Variants in MRTFB observed in about 807,000 individuals in gnomAD.
The protein encoded by MRTFB is myocardin related transcription factor B, also known as myocardin-related transcription factor B.
MRTFB carries 29 observed loss-of-function variants against 104.2 expected under a neutral mutation model. That is an observed-to-expected ratio of 0.28 (90% CI 0.21 to 0.38). The LOEUF (loss-of-function observed/expected upper bound fraction) is 0.38. Ranked by LOEUF, MRTFB falls within the 10% of genes least tolerant of loss-of-function variation. MRTFB has a pLI of 1.00. For missense variants in MRTFB, 1,270 were observed against 1,341.6 expected (o/e 0.95, Z 0.83); for synonymous variants, 535 against 519.5 (o/e 1.03, Z -0.41).
chr16:14,254,530 G>C (rs1477123820), intron 15 of MRTFB, among the ~76,000 whole-genome samples: 1 of 152,230 alleles, frequency 6.6e-6, no homozygotes, highest in Admixed American at 6.5e-5. Context: ...AAGCCAGAGA[G>C]GAGATCCCCA....
At chr16:14,154,237 A>T (rs1335361837) in intron 3 of MRTFB, among the ~76,000 whole-genome samples, 1 of 152,144 alleles carries the variant, frequency 6.6e-6, no homozygotes, top group Non-Finnish European at 1.5e-5. Flanking sequence ...TGCGGGGCTG[A>T]GGTGGGAGGA....
At chr16:14,233,827 C>CATAT (rs1567197941) in intron 8 of MRTFB, among the ~76,000 whole-genome samples, 2 of 146,330 alleles carry the variant, frequency 1.4e-5, no homozygotes. Flanking sequence ...TTGTTTTGAT[C>CATAT]ATATATACAA....
chr16:14,074,317 A>C (rs2033908329), intron 1 of MRTFB, among the ~76,000 whole-genome samples: 1 of 152,186 alleles, frequency 6.6e-6, no homozygotes, highest in African/African-American at 2.4e-5. Context: ...AGAGGTCATT[A>C]CTGGTTTTTA....
chr16:14,144,980 AC>A (rs2038227212), intron 3 of MRTFB, among the ~76,000 whole-genome samples: 1 of 102,994 alleles, frequency 9.7e-6, no homozygotes, highest in African/African-American at 8.5e-5. Context: ...ATATATACAT[AC>A]ATATATATAT....
At chr16:14,223,390 C>G (rs1185186317) in intron 8 of MRTFB, among the ~76,000 whole-genome samples, 1 of 152,060 alleles carries the variant, frequency 6.6e-6, no homozygotes, top group African/African-American at 2.4e-5. Context: ...AGAAGAAACA[C>G]ACATATCTGC....
the MRTFB span, among the ~76,000 whole-genome samples, chr16:14,008,609 C>T: frequency 1.3e-5 from 2 of 152,178 alleles, no homozygotes; most frequent in African/African-American, 4.8e-5. Context: ...AGTTTTAGTA[C>T]TCAGGAAGTA....
chr16:14,118,058 T>C (rs1030013522), intron 2 of MRTFB, among the ~76,000 whole-genome samples: 3 of 151,326 alleles, frequency 2.0e-5, no homozygotes, highest in South Asian at 4.2e-4. Context: ...TAAAATAGAA[T>C]AGAACATTGC....
At chr16:14,053,485 C>A in the MRTFB span, among the ~76,000 whole-genome samples, 1 of 151,948 alleles carries the variant, frequency 6.6e-6, no homozygotes, top group South Asian at 2.1e-4. Flanking sequence ...GTAATCCCAG[C>A]ACTTTGGGAG....
intron 2 of MRTFB, among the ~76,000 whole-genome samples, chr16:14,099,098 C>T (rs918181228): frequency 7.9e-5 from 12 of 152,124 alleles, no homozygotes; most frequent in Admixed American, 2.6e-4. Context: ...ATCAGCTTTT[C>T]AAGTTATACA....
chr16:14,089,081 G>A (rs1054167924), intron 2 of MRTFB, among the ~76,000 whole-genome samples: 1 of 152,180 alleles, frequency 6.6e-6, no homozygotes, highest in Non-Finnish European at 1.5e-5. Context: ...AGCAAGCAGA[G>A]TGATTCAACC....
At chr16:14,134,621 A>G (rs28668960) in intron 2 of MRTFB, among the ~76,000 whole-genome samples, 35,814 of 152,222 alleles carry the variant, frequency 0.24, 7,949 homozygotes, top group African/African-American at 0.58. Context: ...GCCCAGCACA[A>G]TGCCTAATAA....
chr16:14,034,467 A>C, the MRTFB span, among the ~76,000 whole-genome samples: 52 of 152,232 alleles, frequency 3.4e-4, no homozygotes, highest in Admixed American at 1.8e-3. Flanking sequence ...TACAAAAATT[A>C]GCCAGGCGTG....
intron 3 of MRTFB, among the ~76,000 whole-genome samples, chr16:14,208,766 T>C (rs551516363): frequency 1.9e-4 from 29 of 152,344 alleles, no homozygotes; most frequent in African/African-American, 6.5e-4. Flanking sequence ...AGTGGGAACA[T>C]ACTATCCTCA....
chr16:14,184,253 C>G (rs928488527), intron 3 of MRTFB, among the ~76,000 whole-genome samples: 1 of 147,246 alleles, frequency 6.8e-6, no homozygotes, highest in African/African-American at 2.5e-5. Flanking sequence ...GATGGAGTCT[C>G]ACTCTGTGGC....
At chr16:14,204,372 CT>C (rs553740986) in intron 3 of MRTFB, among the ~76,000 whole-genome samples, 1 of 151,866 alleles carries the variant, frequency 6.6e-6, no homozygotes, top group Non-Finnish European at 1.5e-5. Flanking sequence ...AAAGAAGATA[CT>C]TTTTTTTATG....
chr16:14,131,686 T>C (rs557544479), intron 2 of MRTFB, among the ~76,000 whole-genome samples: 1 of 151,336 alleles, frequency 6.6e-6, no homozygotes, highest in African/African-American at 2.4e-5. Context: ...CAATAAAACA[T>C]GAAAAGAAAT....
intron 10 of MRTFB, among the ~76,000 whole-genome samples, chr16:14,241,910 G>A (rs2042781465): frequency 6.6e-6 from 1 of 151,314 alleles, no homozygotes; most frequent in Non-Finnish European, 1.5e-5. Flanking sequence ...TTGCAGCTTT[G>A]TCCAGGCCTT....
Position 14,240,299 on chromosome 16 carries a change from A to T in MRTFB, c.894A>T (p.Pro298=). 6.2e-7 allele frequency: 1 copy of T among 1,614,014 alleles called. No homozygotes were observed. Among genetic ancestry groups the T allele is most frequent in the South Asian group, 1.1e-5 (1 of 90,988 alleles). ...HRSKKCKDPK[P]RVKKLKYHQY... is the part of the protein sequence containing the mutation. ...GCAAAAAGTGCAAAGATCCCAAACC[A>T]CGGGTAAAGAAGTTAAAGTACCACC... is the stretch of plus-strand genomic sequence containing the variant. The change falls in exon 10 of 17, where the codon CCA becomes CCT. Residue 298 remains proline (P), a synonymous_variant. Transcript: ENST00000571589.
chr16:14,259,424 C>T (rs2043666713), intron 16 of MRTFB, among the ~76,000 whole-genome samples: 1 of 151,944 alleles, frequency 6.6e-6, no homozygotes, highest in Non-Finnish European at 1.5e-5. Context: ...ATCTTGTCTA[C>T]TAATATCAGT....
Sources: allele counts gnomAD v4.1 joint callset (sites outside exome capture counted in the v4.1 genomes callset), GRCh38; gene constraint gnomAD v4.1.1; transcripts MANE v1.5; gene names NCBI Gene and HGNC (gene_info 2026-07-23, HGNC 2026-07-21).